The following CTNND2 variants were observed in gnomAD, a reference collection of about 807,000 sequenced individuals.
The protein encoded by CTNND2 is catenin delta 2.
A neutral mutation model predicts 144.4 loss-of-function variants in CTNND2; 22 were observed. That is an observed-to-expected ratio of 0.15 (90% CI 0.11 to 0.22). The LOEUF (loss-of-function observed/expected upper bound fraction) is 0.22. Ranked by LOEUF, CTNND2 falls within the 10% of genes least tolerant of loss-of-function variation. The pLI is 1.00. For synonymous variants in CTNND2, 751 were observed against 695.6 expected (o/e 1.08, Z -1.25); for missense variants, 1,353 against 1,618.8 (o/e 0.84, Z 2.82).
chr5:11,275,823 T>A (rs1397950655), intron 9 of CTNND2, among the ~76,000 whole-genome samples: 1 of 152,258 alleles, frequency 6.6e-6, no homozygotes, highest in African/African-American at 2.4e-5. Flanking sequence ...CTGAGTAGAA[T>A]GTGTTTCTTC....
intron 1 of CTNND2, among the ~76,000 whole-genome samples, chr5:11,884,331 T>C (rs1736355644): frequency 6.6e-6 from 1 of 152,222 alleles, no homozygotes; most frequent in Non-Finnish European, 1.5e-5. Flanking sequence ...CAGTCTTTAA[T>C]CCATCTTGAG....
At chr5:11,769,974 T>A (rs1253501532) in intron 1 of CTNND2, among the ~76,000 whole-genome samples, 3 of 152,230 alleles carry the variant, frequency 2.0e-5, no homozygotes, top group African/African-American at 7.2e-5. Flanking sequence ...AATAACTTTC[T>A]GTATATTTTC....
At chr5:11,348,218 C>T (rs1319120612) in intron 8 of CTNND2, among the ~76,000 whole-genome samples, 4 of 152,060 alleles carry the variant, frequency 2.6e-5, no homozygotes, top group African/African-American at 9.7e-5. Flanking sequence ...GCTTTATGTC[C>T]TTATGCAAGT....
At chr5:11,160,298 G>C (rs1159199780) in intron 11 of CTNND2, among the ~76,000 whole-genome samples, 2 of 152,214 alleles carry the variant, frequency 1.3e-5, no homozygotes, top group Non-Finnish European at 2.9e-5. Flanking sequence ...TGCCCCTTGT[G>C]ACTGTTTTGT....
intron 9 of CTNND2, among the ~76,000 whole-genome samples, chr5:11,326,473 C>T (rs557692329): frequency 2.0e-5 from 3 of 152,098 alleles, no homozygotes. Context: ...TGGCAGGACC[C>T]CTCACCCCTG....
rs897416354 is a variant in CTNND2, at chr5:11,110,844, G to T, written c.2463+14C>A. The T allele has an allele frequency of 2.5e-6, 4 of 1,604,808 alleles. No individual in the cohort carries two copies. In the Admixed American group the frequency reaches 5.0e-5, roughly 20 times the overall value. ...AGGGGATAATTGCATGCAGCTGCAA[G>T]CAGCCTGCATCACCTGATCTTGGGA... is the stretch of plus-strand genomic sequence containing the variant. On this transcript the variant is annotated intron_variant, in intron 14 of 21. Coordinates refer to ENST00000304623, the MANE Select transcript of CTNND2 (RefSeq NM_001332.4).
intron 9 of CTNND2, among the ~76,000 whole-genome samples, chr5:11,292,104 GA>G (rs1748411105): frequency 1.3e-5 from 2 of 152,130 alleles, no homozygotes; most frequent in Non-Finnish European, 2.9e-5. Flanking sequence ...TCCTGCTTAT[GA>G]TTGAAGAGTT....
At chr5:11,760,686 T>C (rs1049035331) in intron 1 of CTNND2, among the ~76,000 whole-genome samples, 6 of 152,162 alleles carry the variant, frequency 3.9e-5, no homozygotes, top group African/African-American at 1.4e-4. Flanking sequence ...AGAATGCTCA[T>C]TCCATGTTAT....
chr5:11,435,481 G>A (rs1016910227), intron 3 of CTNND2, among the ~76,000 whole-genome samples: 12 of 152,056 alleles, frequency 7.9e-5, no homozygotes, highest in Non-Finnish European at 1.3e-4. Flanking sequence ...GCTATTTCAG[G>A]CTTTACAAGC....
At chr5:11,570,621 T>C (rs766005721) in intron 2 of CTNND2, among the ~76,000 whole-genome samples, 1 of 152,086 alleles carries the variant, frequency 6.6e-6, no homozygotes, top group Non-Finnish European at 1.5e-5. Context: ...TGTGAAAACT[T>C]TCAGAGGTTT....
intron 2 of CTNND2, among the ~76,000 whole-genome samples, chr5:11,643,654 G>C (rs1019665597): frequency 7.9e-5 from 12 of 151,808 alleles, no homozygotes; most frequent in Non-Finnish European, 1.8e-4. Context: ...CTTTATAACA[G>C]AAACTTGTTA....
intron 19 of CTNND2, among the ~76,000 whole-genome samples, chr5:10,989,151 A>AACTC (rs931165653): frequency 1.3e-4 from 20 of 152,236 alleles, no homozygotes; most frequent in African/African-American, 4.6e-4. Context: ...GATTGGCAGC[A>AACTC]ACTCAACCTT....
intron 10 of CTNND2, among the ~76,000 whole-genome samples, chr5:11,231,144 C>A (rs1162992764): frequency 6.6e-6 from 1 of 152,098 alleles, no homozygotes; most frequent in Non-Finnish European, 1.5e-5. Context: ...CTTTCTCCTG[C>A]CCCCGTGAAA....
intron 3 of CTNND2, among the ~76,000 whole-genome samples, chr5:11,518,745 C>T (rs1221331300): frequency 2.0e-5 from 3 of 152,176 alleles, no homozygotes; most frequent in African/African-American, 7.2e-5. Context: ...CAGTAACCTG[C>T]TGTACAGGTT....
At chr5:11,297,080 T>C (rs1182797040) in intron 9 of CTNND2, among the ~76,000 whole-genome samples, 3 of 152,246 alleles carry the variant, frequency 2.0e-5, no homozygotes, top group Non-Finnish European at 2.9e-5. Flanking sequence ...TAATGAACTG[T>C]GTCAACATTT....
chr5:11,846,492 T>A (rs1014175039), intron 1 of CTNND2, among the ~76,000 whole-genome samples: 4 of 152,134 alleles, frequency 2.6e-5, no homozygotes, highest in African/African-American at 9.7e-5. Flanking sequence ...TGCAATTAGT[T>A]GAAGAAATCA....
At chr5:11,241,037 AAC>A (rs1443632810) in intron 9 of CTNND2, among the ~76,000 whole-genome samples, 4 of 144,480 alleles carry the variant, frequency 2.8e-5, no homozygotes, top group African/African-American at 7.7e-5. Flanking sequence ...CACCCACCCC[AAC>A]ACACATGCAC....
At chr5:11,683,006 C>G (rs931192307) in intron 2 of CTNND2, among the ~76,000 whole-genome samples, 9 of 152,124 alleles carry the variant, frequency 5.9e-5, no homozygotes, top group African/African-American at 1.9e-4. Context: ...GAATACATAG[C>G]CCCACAATTT....
intron 3 of CTNND2, among the ~76,000 whole-genome samples, chr5:11,452,859 G>A (rs919116377): frequency 6.6e-6 from 1 of 152,186 alleles, no homozygotes; most frequent in African/African-American, 2.4e-5. Flanking sequence ...ACATAGGTTT[G>A]CGATCTATCC....
Sources: gnomAD v4.1 joint callset for allele counts (sites outside exome capture counted in the v4.1 genomes callset) on GRCh38, gnomAD v4.1.1 for gene constraint, MANE v1.5 for transcripts, NCBI Gene and HGNC (gene_info 2026-07-23, HGNC 2026-07-21) for gene names.